Variants in STAT4 observed in about 807,000 individuals in gnomAD.
STAT4 encodes the protein signal transducer and activator of transcription 4.
In STAT4, 42 loss-of-function variants were observed where a neutral mutation model predicts 110.5. The ratio of observed to expected loss-of-function variants is 0.38; its 90% CI spans 0.30 to 0.49. STAT4 has a LOEUF of 0.49. Among genes scored for constraint, STAT4 ranks in the 20% least tolerant of loss-of-function variants. STAT4 has a pLI of 0.95. For synonymous variants in STAT4, 284 were observed against 302.2 expected (o/e 0.94, Z 0.63); for missense variants, 632 against 887.9 (o/e 0.71, Z 3.66).
rs1698602123 is a variant in STAT4, at chr2:191,117,447, T to C, written c.273+29166A>G. On this transcript the variant is annotated intron_variant, in intron 3 of 23. Coordinates refer to ENST00000392320, the MANE Select transcript of STAT4 (RefSeq NM_003151.4). This position sits in a 1 kb window ranked among gnomAD's most constrained non-coding sequence, Gnocchi z 5.2. ...TCTTCTTGTCCTAAAATAATACTTC[T>C]ACAACTCCCATTAGACTCTATCTTT... Among the ~76,000 whole-genome samples, 1 of 152,348 alleles carries C rather than the reference T, an allele frequency of 6.6e-6. No homozygotes were observed.
At chr2:191,048,487 C>A (rs892163057) in intron 14 of STAT4, among the ~76,000 whole-genome samples, 1 of 152,064 alleles carries the variant, frequency 6.6e-6, no homozygotes, top group East Asian at 1.9e-4. Flanking sequence ...ATAAGATGCA[C>A]CATTAGGGCC....
chr2:191,063,003 A>T (rs1409905477), intron 8 of STAT4, 83 bp from the exon 9 acceptor site: 11 of 1,056,630 alleles, frequency 1.0e-5, no homozygotes, highest in Non-Finnish European at 1.3e-5. Context: ...ATAGTTAATA[A>T]ACATTAAATT....
intron 3 of STAT4, among the ~76,000 whole-genome samples, chr2:191,087,608 T>A (rs186679567): frequency 6.6e-6 from 1 of 152,298 alleles, no homozygotes; most frequent in Admixed American, 6.5e-5. Flanking sequence ...TTCATTTACA[T>A]AACAAGGCCA....
In STAT4 at chr2:191,146,796, T is replaced by C. The variant is rs1180493376; in HGVS notation, c.129-39A>G. 3 of 1,447,692 alleles carry C rather than the reference T, an allele frequency of 2.1e-6. No individual in the cohort carries two copies. The highest frequency in any genetic ancestry group is 2.7e-6 in the Non-Finnish European group (3 of 1,095,400). 89.7% of individuals were successfully genotyped at this position (1,447,692 alleles called of 1,614,324 possible). A position where few individuals can be genotyped will look rare whatever the true frequency, so the allele number is the denominator to read the frequency against. On this transcript the variant is annotated intron_variant, in intron 2 of 23. Transcript: ENST00000392320. This position sits in a 1 kb window ranked among gnomAD's most constrained non-coding sequence, Gnocchi z 4.5. ...GGATTATTACACAACAGAAAACAAC[T>C]TTGTAAAATGTCTACTTTTTTACCA...
chr2:191,081,255 G>A (rs1057488162), intron 3 of STAT4, among the ~76,000 whole-genome samples: 2 of 152,112 alleles, frequency 1.3e-5, no homozygotes, highest in African/African-American at 4.8e-5. Flanking sequence ...TGAGCATCTG[G>A]GTTGGTTCCA....
At chr2:191,141,518 T>G (rs1699330075) in intron 3 of STAT4, among the ~76,000 whole-genome samples, 1 of 145,426 alleles carries the variant, frequency 6.9e-6, no homozygotes, top group Non-Finnish European at 1.5e-5. Flanking sequence ...CATACACATA[T>G]GTATATCACA....
At chr2:191,119,803 G>A (rs1469415112) in intron 3 of STAT4, among the ~76,000 whole-genome samples, 4 of 152,146 alleles carry the variant, frequency 2.6e-5, no homozygotes, top group African/African-American at 9.7e-5. Flanking sequence ...CTATAATGTG[G>A]TATAGGTGCA....
chr2:191,134,297 G>C (rs2125426540), intron 3 of STAT4, among the ~76,000 whole-genome samples: 1 of 152,256 alleles, frequency 6.6e-6, no homozygotes, highest in South Asian at 2.1e-4. Context: ...ATGCCATACT[G>C]CCTGCCCGGG....
intron 13 of STAT4, among the ~76,000 whole-genome samples, chr2:191,056,779 A>ATTTTTTTT (rs34775786): frequency 1.1e-5 from 1 of 94,516 alleles, no homozygotes; most frequent in Non-Finnish European, 2.2e-5. Flanking sequence ...CTTCTACACT[A>ATTTTTTTT]TTTTTTTTTT....
rs1432577703 is a variant in STAT4, at chr2:191,086,394, G to T, written c.274-10069C>A. Among the ~76,000 whole-genome samples, 1 of 152,042 alleles carries T rather than the reference G, an allele frequency of 6.6e-6. No individual in the cohort carries two copies. Among genetic ancestry groups the T allele is most frequent in the Non-Finnish European group, 1.5e-5 (1 of 68,010 alleles). On this transcript the variant is annotated intron_variant, in intron 3 of 23. Coordinates refer to ENST00000392320, the MANE Select transcript of STAT4 (RefSeq NM_003151.4). The surrounding 1 kb of genome is among the most constrained non-coding windows in gnomAD (Gnocchi z 5.5). Reference sequence around the variant, plus strand: ...TTGGCTGGGCTTGAGGCTTTTAAAAGGTCTAATTTGAGAGTCCTTATTTTT... The same window carrying T: ...TTGGCTGGGCTTGAGGCTTTTAAAATGTCTAATTTGAGAGTCCTTATTTTT...
intron 3 of STAT4, among the ~76,000 whole-genome samples, chr2:191,130,562 T>C (rs1052265475): frequency 6.6e-6 from 1 of 151,744 alleles, no homozygotes; most frequent in African/African-American, 2.4e-5. Context: ...TGTTATCCTC[T>C]GTTACTTTTA....
chr2:191,130,890 A>T (rs1278786851), intron 3 of STAT4, among the ~76,000 whole-genome samples: 1 of 151,768 alleles, frequency 6.6e-6, no homozygotes, highest in East Asian at 1.9e-4. Context: ...CAATGAGAGC[A>T]CTACATATGA....
In STAT4 at chr2:191,090,168, A is replaced by G. The variant is rs1408762665; in HGVS notation, c.274-13843T>C. Among the ~76,000 whole-genome samples, 1 of 152,166 alleles carries G rather than the reference A, an allele frequency of 6.6e-6. No individual in the cohort carries two copies. The stretch of plus-strand genomic sequence containing the variant: ...TGTGAGAAGGAGACTAAGGGAGTAT[A>G]TGGGAAAGTATTCTCTGTACTTTTT... On this transcript the variant is annotated intron_variant, in intron 3 of 23. Coordinates refer to ENST00000392320, the MANE Select transcript of STAT4 (RefSeq NM_003151.4). The surrounding 1 kb of genome is among the most constrained non-coding windows in gnomAD (Gnocchi z 4.2).
At chr2:191,034,372 G>A (rs548083220) in intron 18 of STAT4, among the ~76,000 whole-genome samples, 176 bp downstream of exon 18, 16 of 150,202 alleles carry the variant, frequency 1.1e-4, no homozygotes, top group South Asian at 1.1e-3. Flanking sequence ...GCAGTGAGCC[G>A]AGATTGCGCC....
In STAT4 at chr2:191,033,218, C is replaced by A. The variant is rs1349605923; in HGVS notation, c.1853-69G>T. 1.4e-6 allele frequency: 2 copies of A among 1,476,132 alleles called. No individual in the cohort carries two copies. Among genetic ancestry groups the A allele is most frequent in the African/African-American group, 2.8e-5 (2 of 71,272 alleles). 91.4% of individuals were successfully genotyped at this position (1,476,132 alleles called of 1,614,324 possible). A position where few individuals can be genotyped will look rare whatever the true frequency, so the allele number is the denominator to read the frequency against. ...ATTCCTTGTGACCATTTCTTCCCTGCCCACATTATCTTCATGCCACTGGAG... is the reference window on the plus strand; with the variant it reads ...ATTCCTTGTGACCATTTCTTCCCTGACCACATTATCTTCATGCCACTGGAG... On this transcript the variant is annotated intron_variant, in intron 20 of 23. Transcript: ENST00000392320. The surrounding 1 kb of genome is among the most constrained non-coding windows in gnomAD (Gnocchi z 6.9).
At position 191,064,808 on chromosome 2, in the gene STAT4, A is replaced by G; in HGVS notation, c.781T>C (p.Cys261Arg). Residue 261 changes from cysteine (C) to arginine (R), a missense_variant and splice_region_variant, in exon 8 of 24, where the codon TGC (cysteine) becomes CGC (arginine). Cys to Arg is a radical substitution (Grantham distance 180). Coordinates refer to ENST00000392320, the MANE Select transcript of STAT4 (RefSeq NM_003151.4). ...LHNGLDQLQN[C>R]FTLLAESLFQ... ...GAAACTGCAGTCGATTCGTTTTACC[A>G]GTTCTGAAGCTGGTCGAGCCCATTG... is the stretch of plus-strand genomic sequence containing the variant. The G allele has an allele frequency of 6.2e-7, 1 of 1,605,950 alleles. No individual in the cohort carries two copies. Among genetic ancestry groups the G allele is most frequent in the Non-Finnish European group, 8.5e-7 (1 of 1,177,326 alleles).
chr2:191,121,929 CTAA>C (rs999000822), intron 3 of STAT4: 36 of 152,000 alleles, frequency 2.4e-4, no homozygotes, highest in African/African-American at 8.7e-4. Flanking sequence ...ACGTATAATA[CTAA>C]TAAAAAAGAG....
At chr2:191,079,912 A>T (rs1487633893) in intron 3 of STAT4, among the ~76,000 whole-genome samples, 2 of 152,102 alleles carry the variant, frequency 1.3e-5, no homozygotes, top group African/African-American at 2.4e-5. Context: ...TTTGCAGTTG[A>T]TGGGTACAAA....
chr2:191,091,387 A>G lies in STAT4; in HGVS notation c.274-15062T>C, dbSNP rs1022892114. ...TTAACAAAGAAGATACAGGTCTTAC[A>G]TGAATTAAATTAAACTAGGGTCACA... On this transcript the variant is annotated intron_variant, in intron 3 of 23. Transcript: ENST00000392320. The surrounding 1 kb of genome is among the most constrained non-coding windows in gnomAD (Gnocchi z 5.4). 2.0e-5 allele frequency among the ~76,000 whole-genome samples: 3 copies of G among 150,486 alleles called. No individual in the cohort carries two copies. Among genetic ancestry groups the G allele is most frequent in the Non-Finnish European group, 4.4e-5 (3 of 67,560 alleles).
Sources: gnomAD v4.1 joint callset for allele counts (sites outside exome capture counted in the v4.1 genomes callset) on GRCh38, gnomAD v4.1.1 for gene constraint, Gnocchi (gnomAD v3.1) non-coding constraint, MANE v1.5 for transcripts, NCBI Gene and HGNC (gene_info 2026-07-23, HGNC 2026-07-21) for gene names.